Variants in PRKG1 observed in about 807,000 individuals in gnomAD.
PRKG1 encodes protein kinase cGMP-dependent 1, also known as cGMP-dependent protein kinase 1.
PRKG1 carries 35 observed loss-of-function variants against 88.1 expected under a neutral mutation model. The observed-to-expected ratio is 0.40, with a 90% CI of 0.30 to 0.53. PRKG1 has a LOEUF of 0.53. PRKG1 is among the 20% of genes least tolerant of loss of function. PRKG1 has a pLI of 0.59. For missense variants in PRKG1, 540 were observed against 839.8 expected, an observed-to-expected ratio of 0.64 and a Z score of 4.41; for synonymous variants, 303 against 292.5, an observed-to-expected ratio of 1.04 and a Z score of -0.37.
chr10:51,004,319 C>T (rs772054447), intron 1 of PRKG1, among the ~76,000 whole-genome samples: 2 of 151,972 alleles, frequency 1.3e-5, no homozygotes, highest in African/African-American at 2.4e-5. Context: ...CAAAGTTATC[C>T]GGACGTGGTG....
In PRKG1 at chr10:51,774,699, T is replaced by C. The variant is rs551561460; in HGVS notation, c.593-29886T>C. 1.3e-4 allele frequency among the ~76,000 whole-genome samples: 20 copies of C among 152,194 alleles called. No homozygotes were observed. The South Asian group carries it at 4.1e-3, about 32-fold the overall frequency. On this transcript the variant is annotated intron_variant, in intron 3 of 17. Transcript: ENST00000373980. ...TCATTCTTATTTTAAGCAGTTACTT[T>C]AAAAAAATTGCAATTGGCACAAAAC... is the stretch of plus-strand genomic sequence containing the variant.
chr10:51,631,131 T>A (rs1027083027), intron 3 of PRKG1, among the ~76,000 whole-genome samples: 1 of 152,192 alleles, frequency 6.6e-6, no homozygotes, highest in Non-Finnish European at 1.5e-5. Flanking sequence ...ATTTAAGTAG[T>A]ATTCTTGGTA....
At chr10:51,393,320 G>A (rs945796665) in intron 2 of PRKG1, among the ~76,000 whole-genome samples, 19 of 149,346 alleles carry the variant, frequency 1.3e-4, no homozygotes, top group African/African-American at 4.2e-4. Flanking sequence ...GGGAAGAGGC[G>A]CTCCTCACTT....
intron 2 of PRKG1, among the ~76,000 whole-genome samples, chr10:51,438,690 G>A (rs868024167): frequency 1.2e-4 from 18 of 151,846 alleles, no homozygotes; most frequent in Admixed American, 2.0e-4. Context: ...ACCTGGCAGA[G>A]GCATTTTTGC....
At chr10:51,367,973 C>T (rs1418876180) in intron 2 of PRKG1, among the ~76,000 whole-genome samples, 2 of 151,912 alleles carry the variant, frequency 1.3e-5, no homozygotes, top group South Asian at 2.1e-4. Flanking sequence ...CTTCCCTCTC[C>T]TTTCTGATTA....
At chr10:51,621,009 GTATA>G (rs55657310) in intron 3 of PRKG1, among the ~76,000 whole-genome samples, 10 of 121,904 alleles carry the variant, frequency 8.2e-5, no homozygotes, top group East Asian at 5.8e-4. Context: ...GTATATGTGT[GTATA>G]TATATATATA....
rs150711537 is a variant in PRKG1 at position 51,831,336 on chromosome 10, G to T, written c.698+26646G>T. Reference sequence around the variant, plus strand: ...TGTAGAAACTACAGGAAAGCATGAAGGCTAAAATAAAATTAAAAACCACTT... The same window carrying T: ...TGTAGAAACTACAGGAAAGCATGAATGCTAAAATAAAATTAAAAACCACTT... On this transcript the variant is annotated intron_variant, in intron 4 of 17. Transcript: ENST00000373980. Among the ~76,000 whole-genome samples, 166 of 151,470 alleles carry T rather than the reference G, an allele frequency of 1.1e-3. 2 individuals are homozygous for T. The highest frequency in any genetic ancestry group is 3.9e-3 in the African/African-American group (162 of 41,178).
In PRKG1 at chr10:52,222,710, T is replaced by A. The variant is rs186141044; in HGVS notation, c.1077-28860T>A. On this transcript the variant is annotated intron_variant, in intron 9 of 17. Coordinates refer to ENST00000373980, the MANE Select transcript of PRKG1 (RefSeq NM_006258.4). ...CCCTGGGGGATGTAGTCATTTCTTG[T>A]AACAATTAAATGACAATAAGTATAA... Among the ~76,000 whole-genome samples, 1,110 of 152,316 alleles carry A rather than the reference T, an allele frequency of 7.3e-3. 13 individuals carry two copies. The highest frequency in any genetic ancestry group is 0.024 in the African/African-American group (1,007 of 41,552).
At chr10:51,794,654 A>T (rs1838964112) in intron 3 of PRKG1, among the ~76,000 whole-genome samples, 1 of 152,138 alleles carries the variant, frequency 6.6e-6, no homozygotes, top group Non-Finnish European at 1.5e-5. Context: ...AATGATGACT[A>T]TATGAGGTAT....
At chr10:52,030,805 A>AAAATGAGC (rs1845456985) in intron 5 of PRKG1, among the ~76,000 whole-genome samples, 1 of 152,220 alleles carries the variant, frequency 6.6e-6, no homozygotes, top group Non-Finnish European at 1.5e-5. Flanking sequence ...TTTAAAAATT[A>AAAATGAGC]AAATGAGCAT....
chr10:52,116,836 A>AT lies in PRKG1; in HGVS notation c.936-16993dup, dbSNP rs111680801. 1.5e-3 allele frequency among the ~76,000 whole-genome samples: 223 copies of AT among 147,504 alleles called. 1 individual carries two copies. Among genetic ancestry groups the AT allele is most frequent in the Middle Eastern group, 7.0e-3 (2 of 284 alleles). On this transcript the variant is annotated intron_variant, in intron 7 of 17. Coordinates refer to ENST00000373980, the MANE Select transcript of PRKG1 (RefSeq NM_006258.4). ...CCTGTCAAATACCATTATTTTCCTC[A>AT]TTTTTTTTTTTAAAAGAAAACTGAT...
chr10:51,790,039 T>G (rs371015190), intron 3 of PRKG1, among the ~76,000 whole-genome samples: 13 of 152,238 alleles, frequency 8.5e-5, no homozygotes, highest in East Asian at 7.8e-4. Context: ...GCCAGGCTGA[T>G]GTCGAACTCC....
intron 2 of PRKG1, among the ~76,000 whole-genome samples, chr10:51,229,194 A>T (rs1314992869): frequency 6.6e-6 from 1 of 152,186 alleles, no homozygotes. Flanking sequence ...TAAAATGTAG[A>T]AACCTGTCAA....
intron 5 of PRKG1, among the ~76,000 whole-genome samples, chr10:51,922,239 G>T (rs866097086): frequency 6.6e-6 from 1 of 150,924 alleles, no homozygotes; most frequent in South Asian, 2.1e-4. Flanking sequence ...GATCAGTAGT[G>T]GTGGCCCCTT....
intron 1 of PRKG1, among the ~76,000 whole-genome samples, chr10:51,047,911 T>C (rs1280785287): frequency 2.6e-5 from 4 of 152,228 alleles, no homozygotes; most frequent in African/African-American, 9.6e-5. Context: ...GCCTGCTTTA[T>C]TGATTGATAA....
At chr10:51,171,737 G>T (rs1169610633) in intron 2 of PRKG1, among the ~76,000 whole-genome samples, 1 of 152,036 alleles carries the variant, frequency 6.6e-6, no homozygotes, top group Non-Finnish European at 1.5e-5. Flanking sequence ...GATTCTAGGG[G>T]ACATTTTTGC....
intron 7 of PRKG1, among the ~76,000 whole-genome samples, chr10:52,105,417 C>T (rs186784127): frequency 5.3e-5 from 8 of 152,034 alleles, no homozygotes; most frequent in Non-Finnish European, 1.0e-4. Flanking sequence ...GTTAAGGAAG[C>T]GATAATAACC....
At chr10:51,283,340 A>T (rs1367863383) in intron 2 of PRKG1, among the ~76,000 whole-genome samples, 2 of 152,172 alleles carry the variant, frequency 1.3e-5, no homozygotes, top group Non-Finnish European at 2.9e-5. Flanking sequence ...ATAAGGAAAA[A>T]AATCCCTTCT....
chr10:51,247,225 G>A (rs1041734324), intron 2 of PRKG1, among the ~76,000 whole-genome samples: 2 of 151,882 alleles, frequency 1.3e-5, no homozygotes, highest in African/African-American at 4.8e-5. Context: ...AGTTTTTGGT[G>A]CACTGGGAAA....
Sources: allele counts gnomAD v4.1 joint callset (sites outside exome capture counted in the v4.1 genomes callset), GRCh38; gene constraint gnomAD v4.1.1; transcripts MANE v1.5; gene names NCBI Gene and HGNC (gene_info 2026-07-23, HGNC 2026-07-21).